Variants in N4BP2L2 observed in about 807,000 individuals in gnomAD.
N4BP2L2 encodes the protein NEDD4 binding protein 2 like 2, also known as NEDD4-binding protein 2-like 2.
In N4BP2L2, 50 loss-of-function variants were observed where a neutral mutation model predicts 56.2. The observed-to-expected ratio is 0.89, with a 90% CI of 0.71 to 1.13. N4BP2L2 has a LOEUF of 1.13. N4BP2L2 is among the 50% of genes most tolerant of loss of function. The pLI, the probability that N4BP2L2 is intolerant of heterozygous loss-of-function variation, is 0.00. For synonymous variants in N4BP2L2, 203 were observed against 223.6 expected (o/e 0.91, Z 0.82); for missense variants, 689 against 693.8 (o/e 0.99, Z 0.08).
At chr13:32,469,883 G>A (rs937112538) in intron 6 of N4BP2L2, among the ~76,000 whole-genome samples, 2 of 152,240 alleles carry the variant, frequency 1.3e-5, no homozygotes, top group African/African-American at 2.4e-5. Context: ...TCAAGTGGAA[G>A]TGTAAAGACT....
chr13:32,517,844 A>T (rs1258195383), exon 6 of N4BP2L2: 1 of 1,613,822 alleles, frequency 6.2e-7, no homozygotes, highest in African/African-American at 1.3e-5. Context: ...GTGAGCCAAG[A>T]GAGCCTCCCC....
chr13:32,527,779 C>CTTT (rs11374781), intron 2 of N4BP2L2, among the ~76,000 whole-genome samples: 5 of 139,414 alleles, frequency 3.6e-5, no homozygotes, highest in Admixed American at 1.4e-4. Context: ...AACAGAAACT[C>CTTT]TTTTTTTTTT....
intron 3 of N4BP2L2, chr13:32,525,080 A>AG (rs754200505): frequency 6.6e-6 from 1 of 152,178 alleles, no homozygotes; most frequent in Non-Finnish European, 1.5e-5. Context: ...TACTGCAAAG[A>AG]GAAAAAAAAT....
chr13:32,488,075 C>T (rs552964486), intron 6 of N4BP2L2, among the ~76,000 whole-genome samples: 47 of 152,150 alleles, frequency 3.1e-4, no homozygotes, highest in African/African-American at 1.1e-3. Context: ...GAAATAGAGG[C>T]CTAGTTTGCA....
intron 6 of N4BP2L2, among the ~76,000 whole-genome samples, chr13:32,469,478 C>T (rs1340333354): frequency 2.0e-5 from 3 of 152,098 alleles, no homozygotes; most frequent in African/African-American, 7.2e-5. Flanking sequence ...TGGGATGCAG[C>T]GCAGGGAGGA....
chr13:32,532,385 G>A (rs1365731962), intron 2 of N4BP2L2, among the ~76,000 whole-genome samples: 1 of 151,872 alleles, frequency 6.6e-6, no homozygotes, highest in Non-Finnish European at 1.5e-5. Flanking sequence ...TGCTGGTTTT[G>A]TTTTTACTCT....
intron 6 of N4BP2L2, among the ~76,000 whole-genome samples, chr13:32,489,898 T>C (rs111954254): frequency 0.011 from 1,611 of 152,272 alleles, 31 homozygotes; most frequent in African/African-American, 0.036. Context: ...TGTTATCATA[T>C]AATAAACACT....
chr13:32,503,099 G>A lies in N4BP2L2; in HGVS notation c.365+14758C>T, dbSNP rs528199425. 8.1e-5 allele frequency among the ~76,000 whole-genome samples: 12 copies of A among 147,884 alleles called. No individual in the cohort carries two copies. In the South Asian group the frequency reaches 2.6e-3, roughly 32 times the overall value. On this transcript the variant is annotated intron_variant, in intron 6 of 9. Transcript: ENST00000357505. ...GAGGCAGGAGAATCGCTTGAACCCA[G>A]GAGGTGGAGGCTGCAGTGAGCTGAG...
At chr13:32,484,271 G>A (rs1244771833) in intron 6 of N4BP2L2, among the ~76,000 whole-genome samples, 1 of 152,056 alleles carries the variant, frequency 6.6e-6, no homozygotes, top group Non-Finnish European at 1.5e-5. Context: ...AGGCTGCAGC[G>A]AGCCGAGATC....
intron 6 of N4BP2L2, among the ~76,000 whole-genome samples, chr13:32,468,394 C>T (rs1330835655): frequency 6.6e-6 from 1 of 152,116 alleles, no homozygotes; most frequent in African/African-American, 2.4e-5. Context: ...TTGAGTGCTA[C>T]TGTGTCCCAG....
At chr13:32,470,509 G>A (rs1301770217) in intron 6 of N4BP2L2, among the ~76,000 whole-genome samples, 1 of 152,168 alleles carries the variant, frequency 6.6e-6, no homozygotes, top group African/African-American at 2.4e-5. Context: ...GCTTTGGCTA[G>A]GGCCTATATC....
chr13:32,535,826 T>C (rs370452950), exon 2 of N4BP2L2: 3 of 1,614,194 alleles, frequency 1.9e-6, no homozygotes, highest in East Asian at 4.5e-5. Context: ...AAGTAACTTC[T>C]GCAATTTATT....
intron 6 of N4BP2L2, among the ~76,000 whole-genome samples, chr13:32,458,130 T>A (rs1480234765): frequency 6.6e-6 from 1 of 152,238 alleles, no homozygotes; most frequent in African/African-American, 2.4e-5. Context: ...AGTGGCATGA[T>A]CTCGGCTCAC....
At chr13:32,501,331 G>A (rs1407749372) in intron 6 of N4BP2L2, among the ~76,000 whole-genome samples, 2 of 152,056 alleles carry the variant, frequency 1.3e-5, no homozygotes, top group Non-Finnish European at 2.9e-5. Context: ...TACACATAAT[G>A]TTACGTATGA....
At chr13:32,517,370 T>C in exon 6 of N4BP2L2, 1 of 989,132 alleles carries the variant, frequency 1.0e-6, no homozygotes, top group Non-Finnish European at 1.2e-6. Flanking sequence ...TAGAGAAAAC[T>C]AAGGTACCCT....
chr13:32,511,932 A>G (rs532247682), exon 6 of N4BP2L2: 8 of 152,264 alleles, frequency 5.3e-5, no homozygotes, highest in Admixed American at 5.2e-4. Flanking sequence ...ACACTAAAAA[A>G]CTGAAGAGTT....
exon 7 of N4BP2L2, chr13:32,442,886 A>G: frequency 6.2e-7 from 1 of 1,612,998 alleles, no homozygotes; most frequent in Non-Finnish European, 8.5e-7. Context: ...TGATGATCAA[A>G]GGTCATAAGT....
chr13:32,486,459 T>C (rs1293324343), intron 6 of N4BP2L2, among the ~76,000 whole-genome samples: 1 of 150,936 alleles, frequency 6.6e-6, no homozygotes, highest in Non-Finnish European at 1.5e-5. Context: ...GTGGATCACC[T>C]GAGGTCGGGA....
chr13:32,538,796 G>A (rs1365468295), upstream of N4BP2L2: 16 of 985,300 alleles, frequency 1.6e-5, no homozygotes, highest in Non-Finnish European at 1.9e-5. Context: ...GCAAGATGGC[G>A]GTCACCTCTC....
Sources: allele counts gnomAD v4.1 joint callset (sites outside exome capture counted in the v4.1 genomes callset), GRCh38; gene constraint gnomAD v4.1.1; transcripts MANE v1.5; gene names NCBI Gene and HGNC (gene_info 2026-07-23, HGNC 2026-07-21).